The following ZBBX variants were observed in gnomAD, a reference collection of about 807,000 sequenced individuals.
The protein encoded by ZBBX is zinc finger B-box domain-containing protein 1.
ZBBX carries 101 observed loss-of-function variants against 108.5 expected under a neutral mutation model. The observed-to-expected ratio is 0.93, with a 90% CI of 0.79 to 1.10. The LOEUF (loss-of-function observed/expected upper bound fraction) is 1.10. Ranked by LOEUF, ZBBX falls within the 50% of genes least tolerant of loss-of-function variation. The pLI is 0.00. For synonymous variants in ZBBX, 356 were observed against 323.4 expected (o/e 1.10, Z -1.08); for missense variants, 1,009 against 941.4 (o/e 1.07, Z -0.94).
At chr3:167,276,349 T>A (rs949728933) in intron 20 of ZBBX, among the ~76,000 whole-genome samples, 4 of 151,176 alleles carry the variant, frequency 2.6e-5, no homozygotes, top group Non-Finnish European at 5.9e-5. Context: ...TTGAAAAAAA[T>A]TTAGAAGAAT....
chr3:167,238,717 C>T (rs1480873957), downstream of ZBBX, among the ~76,000 whole-genome samples: 1 of 152,032 alleles, frequency 6.6e-6, no homozygotes, highest in Non-Finnish European at 1.5e-5. Context: ...TAAGGGAAAA[C>T]TGTCCTAAAA....
At chr3:167,191,926 T>G in the ZBBX span, among the ~76,000 whole-genome samples, 29,101 of 127,392 alleles carry the variant, frequency 0.23, 4,654 homozygotes, top group Non-Finnish European at 0.26. Context: ...TATATATATA[T>G]ATATATATAG....
At chr3:167,294,705 T>C (rs1226658290) in intron 18 of ZBBX, among the ~76,000 whole-genome samples, 4 of 152,108 alleles carry the variant, frequency 2.6e-5, no homozygotes, top group Non-Finnish European at 4.4e-5. Context: ...GGGATCTAAT[T>C]AAACTAAAGG....
chr3:167,240,690 A>G lies in ZBBX; in HGVS notation c.*103T>C, dbSNP rs1489253655. ...GCCTTGAAACATCAAAGACATTAGT[A>G]ATCAAAATCTCCAGCACTTGGATAG... On this transcript the variant is annotated 3_prime_UTR_variant, in exon 22 of 22. Coordinates refer to ENST00000675490, the MANE Select transcript of ZBBX (RefSeq NM_001199201.2). 7.4e-7 allele frequency: 1 copy of G among 1,355,986 alleles called. No homozygotes were observed. The highest frequency in any genetic ancestry group is 1.5e-5 in the African/African-American group (1 of 68,332). The allele number at this position is 1,355,986 out of a possible 1,614,324, so 84.0% of individuals were successfully genotyped here.
At chr3:167,334,132 T>C in intron 9 of ZBBX, 147 bp from the exon 10 acceptor site, 4 of 607,858 alleles carry the variant, frequency 6.6e-6, no homozygotes, top group Non-Finnish European at 1.0e-5. Flanking sequence ...GGCATTTGTA[T>C]CAACAAGTAT....
At chr3:167,380,447 G>T (rs1271790877), upstream of ZBBX, 1 of 152,216 alleles carries the variant, frequency 6.6e-6, no homozygotes, top group African/African-American at 2.4e-5. Context: ...AAGGAAAAGG[G>T]CGGAAAAACT....
At chr3:167,251,148 G>A (rs1442712690) in intron 20 of ZBBX, among the ~76,000 whole-genome samples, 1 of 152,156 alleles carries the variant, frequency 6.6e-6, no homozygotes, top group Non-Finnish European at 1.5e-5. Context: ...GCTGCTGAGT[G>A]GCCCAACTCC....
Position 167,359,886 on chromosome 3 carries a change from T to C in ZBBX, c.416A>G (p.Asn139Ser), listed in dbSNP as rs746277172. 18 of 1,543,796 alleles carry C rather than the reference T, an allele frequency of 1.2e-5. No homozygotes were observed. In the South Asian group the frequency reaches 1.9e-4, roughly 17 times the overall value. ...CGTACATACCAGTAGAGCAGCTTTG[T>C]TCTCACACTGTCCACATACTTTCCC... ...INGKVCGQCE[N>S]KAALLVCLEC... Residue 139 changes from asparagine (N) to serine (S), a missense_variant, in exon 8 of 22, where the codon AAC (asparagine) becomes AGC (serine). By Grantham distance (46) the Asn-to-Ser change is conservative. Coordinates refer to ENST00000675490, the MANE Select transcript of ZBBX (RefSeq NM_001199201.2).
At chr3:167,384,781 C>T (rs753076793), upstream of ZBBX, among the ~76,000 whole-genome samples, 1 of 152,016 alleles carries the variant, frequency 6.6e-6, no homozygotes, top group Non-Finnish European at 1.5e-5. Flanking sequence ...ATGAGGTTGG[C>T]AACCTGAATG....
At chr3:167,203,591 T>G in the ZBBX span, among the ~76,000 whole-genome samples, 4 of 152,098 alleles carry the variant, frequency 2.6e-5, no homozygotes. Context: ...TTTAAGACAA[T>G]GTATGTTTAT....
intron 16 of ZBBX, among the ~76,000 whole-genome samples, chr3:167,307,083 T>G (rs942646998): frequency 6.6e-6 from 1 of 152,188 alleles, no homozygotes; most frequent in South Asian, 2.1e-4. Flanking sequence ...TCAACATTCA[T>G]TCATGTTAAA....
chr3:167,200,809 C>T, the ZBBX span, among the ~76,000 whole-genome samples: 1 of 152,042 alleles, frequency 6.6e-6, no homozygotes, highest in Admixed American at 6.6e-5. Flanking sequence ...AAAGTATGTG[C>T]CATCAAAGTG....
chr3:167,402,835 T>C (rs992360195), intron 1 of ZBBX, among the ~76,000 whole-genome samples: 32 of 149,630 alleles, frequency 2.1e-4, no homozygotes, highest in African/African-American at 7.6e-4. Context: ...AATAATCAAA[T>C]GGTTAGTGAC....
In ZBBX at chr3:167,370,361, G is replaced by C. The variant is rs146921874; in HGVS notation, c.69-1787C>G. 1.4e-4 allele frequency among the ~76,000 whole-genome samples: 21 copies of C among 152,314 alleles called. No homozygotes were observed. In the South Asian group the frequency reaches 4.4e-3, roughly 32 times the overall value. On this transcript the variant is annotated intron_variant, in intron 4 of 21. Coordinates refer to ENST00000675490, the MANE Select transcript of ZBBX (RefSeq NM_001199201.2). ...TAATCCCATGTTTCTTATTTGAGCT[G>C]TCAGGAGGACAATGGTGTCTTTTCC...
the ZBBX span, among the ~76,000 whole-genome samples, chr3:167,219,250 G>C: frequency 6.6e-6 from 1 of 151,830 alleles, no homozygotes; most frequent in South Asian, 2.1e-4. Context: ...CAAAAAAATG[G>C]ACTTAATCTG....
the ZBBX span, among the ~76,000 whole-genome samples, chr3:167,220,315 A>T: frequency 6.6e-6 from 1 of 152,036 alleles, no homozygotes; most frequent in Admixed American, 6.6e-5. Context: ...TCTCTGATGA[A>T]CATCGATGCA....
chr3:167,299,457 T>C (rs1177845366), intron 17 of ZBBX, among the ~76,000 whole-genome samples: 1 of 152,130 alleles, frequency 6.6e-6, no homozygotes, highest in East Asian at 1.9e-4. Context: ...CTGAAGCTTA[T>C]ATTTGAATTA....
chr3:167,193,641 C>T, the ZBBX span, among the ~76,000 whole-genome samples: 8 of 151,986 alleles, frequency 5.3e-5, no homozygotes, highest in Middle Eastern at 3.2e-3. Flanking sequence ...GGTGGTTCTC[C>T]CATGTTCTCC....
chr3:167,200,113 G>A, the ZBBX span, among the ~76,000 whole-genome samples: 1 of 151,952 alleles, frequency 6.6e-6, no homozygotes, highest in Non-Finnish European at 1.5e-5. Context: ...CATCAGTTAT[G>A]AAATTTAAGT....
Sources: gnomAD v4.1 joint callset for allele counts (sites outside exome capture counted in the v4.1 genomes callset) on GRCh38, gnomAD v4.1.1 for gene constraint, MANE v1.5 for transcripts, NCBI Gene and HGNC (gene_info 2026-07-23, HGNC 2026-07-21) for gene names.